WDR41: variants seen among roughly 807,000 people sequenced by gnomAD.
The protein encoded by WDR41 is WD repeat-containing protein 41.
A neutral mutation model predicts 69.3 loss-of-function variants in WDR41; 63 were observed. The ratio of observed to expected loss-of-function variants is 0.91; its 90% CI spans 0.74 to 1.12. The LOEUF (loss-of-function observed/expected upper bound fraction) is 1.12. Ranked by LOEUF, WDR41 falls within the 50% of genes most tolerant of loss-of-function variation. WDR41 has a pLI of 0.00. For synonymous variants in WDR41, 185 were observed against 192.1 expected (o/e 0.96, Z 0.31); for missense variants, 543 against 534.5 (o/e 1.02, Z -0.16).
intron 2 of WDR41, among the ~76,000 whole-genome samples, chr5:77,467,971 C>A (rs1561748245): frequency 1.3e-5 from 2 of 151,820 alleles, no homozygotes; most frequent in Non-Finnish European, 2.9e-5. Context: ...CAAGATCACA[C>A]CACTCTCCAG....
At chr5:77,619,314 G>A (rs769543531) in intron 1 of WDR41, among the ~76,000 whole-genome samples, 20 of 152,036 alleles carry the variant, frequency 1.3e-4, no homozygotes, top group Non-Finnish European at 2.1e-4. Flanking sequence ...CAGGTACCAC[G>A]CATTCAGGCC....
At chr5:77,539,514 G>A (rs1406663311) in intron 1 of WDR41, among the ~76,000 whole-genome samples, 1 of 152,024 alleles carries the variant, frequency 6.6e-6, no homozygotes, top group Non-Finnish European at 1.5e-5. Context: ...CTGGTCTAGG[G>A]GGTGTACTTT....
At chr5:77,508,272 C>T (rs1210904055) in intron 1 of WDR41, among the ~76,000 whole-genome samples, 1 of 152,078 alleles carries the variant, frequency 6.6e-6, no homozygotes, top group Non-Finnish European at 1.5e-5. Context: ...AGGCACACAG[C>T]ACCAAGCCCA....
In WDR41 at chr5:77,436,263, C is replaced by T; in HGVS notation, c.1225G>A (p.Glu409Lys). The T allele has an allele frequency of 6.2e-7, 1 of 1,612,550 alleles. No individual in the cohort carries two copies. The highest frequency in any genetic ancestry group is 8.5e-7 in the Non-Finnish European group (1 of 1,179,098). ...ATTCTGTGGCTAAACAGCAATACCT[C>T]CACAGATGATGAGTGTCCAATCAAA... Reference protein sequence around the residue: ...GDLIGHSSSVEMFLYFEDHGL... With the variant: ...GDLIGHSSSVKMFLYFEDHGL... Residue 409 changes from glutamate to lysine, a missense_variant and splice_region_variant, in exon 12 of 13, where the codon GAG becomes AAG. Coordinates refer to ENST00000296679, the MANE Select transcript of WDR41 (RefSeq NM_018268.4).
intron 2 of WDR41, among the ~76,000 whole-genome samples, chr5:77,485,779 G>A (rs1051069771): frequency 6.6e-6 from 1 of 152,026 alleles, no homozygotes; most frequent in Non-Finnish European, 1.5e-5. Context: ...CTGTCTGTTA[G>A]GTTATACAGG....
intron 2 of WDR41, among the ~76,000 whole-genome samples, chr5:77,472,952 C>G (rs998083255): frequency 6.6e-6 from 1 of 152,114 alleles, no homozygotes; most frequent in African/African-American, 2.4e-5. Context: ...AAAAACAGCC[C>G]GCATTGCCAA....
intron 1 of WDR41, among the ~76,000 whole-genome samples, chr5:77,571,436 A>T (rs1401660973): frequency 6.6e-6 from 1 of 152,120 alleles, no homozygotes; most frequent in Admixed American, 6.6e-5. Flanking sequence ...AAAAATGAAG[A>T]TGAGGAAGAG....
rs1248831645 is a variant in WDR41, at chr5:77,577,321, CA to C, written c.42+43157del. Among the ~76,000 whole-genome samples the C allele has an allele frequency of 2.0e-3, 289 of 142,490 alleles. 2 individuals are homozygous for C. Among genetic ancestry groups the C allele is most frequent in the African/African-American group, 7.2e-3 (278 of 38,488 alleles). 93.5% of individuals were successfully genotyped at this position (142,490 alleles called of 152,430 possible). On this transcript the variant is annotated intron_variant, in intron 1 of 5. Transcript: ENST00000509971. ...CACTCCCCTGCCCCCTTCCCCCCAC[CA>C]AAAAAAAAGAAAAGAAAAATGGGCA...
At chr5:77,618,628 C>G (rs957112552) in intron 1 of WDR41, among the ~76,000 whole-genome samples, 6 of 152,194 alleles carry the variant, frequency 3.9e-5, no homozygotes, top group African/African-American at 1.4e-4. Context: ...CTGCCTCGGC[C>G]TCCTGAAGTG....
intron 1 of WDR41, among the ~76,000 whole-genome samples, chr5:77,592,505 G>A (rs764438671): frequency 6.6e-6 from 1 of 152,082 alleles, no homozygotes; most frequent in Non-Finnish European, 1.5e-5. Context: ...CCACCCTCAG[G>A]TTTGATGATT....
intron 2 of WDR41, among the ~76,000 whole-genome samples, chr5:77,486,844 T>TA (rs1801547753): frequency 6.6e-6 from 1 of 152,020 alleles, no homozygotes; most frequent in African/African-American, 2.4e-5. Flanking sequence ...ATGAGCTAAA[T>TA]AGATGGGGTT....
intron 1 of WDR41, among the ~76,000 whole-genome samples, chr5:77,532,454 A>G (rs1408993852): frequency 6.6e-6 from 1 of 152,148 alleles, no homozygotes; most frequent in Non-Finnish European, 1.5e-5. Flanking sequence ...GTAGGTATAT[A>G]TCCAACATAA....
chr5:77,575,425 T>A (rs1743813442), intron 1 of WDR41, among the ~76,000 whole-genome samples: 1 of 152,192 alleles, frequency 6.6e-6, no homozygotes, highest in East Asian at 1.9e-4. Context: ...TATTTAAGCA[T>A]CCTCCTACAT....
intron 1 of WDR41, among the ~76,000 whole-genome samples, chr5:77,602,714 G>T (rs924458331): frequency 6.6e-6 from 1 of 152,076 alleles, no homozygotes; most frequent in Non-Finnish European, 1.5e-5. Context: ...CAATAAACAT[G>T]CAAGCGCAGG....
At chr5:77,460,844 G>T (rs1349318239) in intron 4 of WDR41, among the ~76,000 whole-genome samples, 1 of 152,108 alleles carries the variant, frequency 6.6e-6, no homozygotes, top group African/African-American at 2.4e-5. Context: ...AAAGGTCTTG[G>T]ATTTTGGAGC....
rs540511386 is a variant in WDR41, at chr5:77,463,982, T to C, written c.217-756A>G. 4.6e-5 allele frequency among the ~76,000 whole-genome samples: 7 copies of C among 152,088 alleles called. No homozygotes were observed. In the South Asian group the frequency reaches 1.2e-3, roughly 27 times the overall value. On this transcript the variant is annotated intron_variant, in intron 3 of 12. Transcript: ENST00000296679. ...GGAAGATACTTCAAAAAAGAATAAT[T>C]TGAGTAACAAATGATCAGGAAGGGA...
intron 1 of WDR41, among the ~76,000 whole-genome samples, chr5:77,562,396 T>C (rs2112259742): frequency 6.6e-6 from 1 of 152,298 alleles, no homozygotes; most frequent in Admixed American, 6.5e-5. Flanking sequence ...AAGTGCCAAC[T>C]CTAAGGTTAT....
chr5:77,560,350 G>T (rs1743500833), intron 1 of WDR41, among the ~76,000 whole-genome samples: 1 of 152,180 alleles, frequency 6.6e-6, no homozygotes. Flanking sequence ...ATCAGCTACA[G>T]TGTTAGAGTT....
At chr5:77,546,144 G>A (rs1046989754) in intron 1 of WDR41, 7 of 485,384 alleles carry the variant, frequency 1.4e-5, no homozygotes, top group African/African-American at 4.0e-5. Flanking sequence ...CTTGACCTCC[G>A]ACCTCTGGAA....
Sources: gnomAD v4.1 joint callset for allele counts (sites outside exome capture counted in the v4.1 genomes callset) on GRCh38, gnomAD v4.1.1 for gene constraint, MANE v1.5 for transcripts, NCBI Gene and HGNC (gene_info 2026-07-23, HGNC 2026-07-21) for gene names.